CFAP54: variants seen among roughly 807,000 people sequenced by gnomAD.
CFAP54 encodes the protein cilia- and flagella-associated protein 54.
A neutral mutation model predicts 370.4 loss-of-function variants in CFAP54; 290 were observed. That is an observed-to-expected ratio of 0.78 (90% CI 0.71 to 0.86). The LOEUF (loss-of-function observed/expected upper bound fraction) is 0.86. Among genes scored for constraint, CFAP54 ranks in the 40% least tolerant of loss-of-function variants. CFAP54 has a pLI of 0.00. For synonymous variants in CFAP54, 1,206 were observed against 1,236.5 expected, an observed-to-expected ratio of 0.98 and a Z score of 0.52; for missense variants, 3,399 against 3,528.7, an observed-to-expected ratio of 0.96 and a Z score of 0.93.
At chr12:96,688,689 C>T (rs1957354265) in intron 42 of CFAP54, among the ~76,000 whole-genome samples, 1 of 151,964 alleles carries the variant, frequency 6.6e-6, no homozygotes, top group African/African-American at 2.4e-5. Context: ...AGAAAAAGTA[C>T]ATATAAGGAA....
chr12:96,788,296 TG>T (rs1217309653), intron 62 of CFAP54, among the ~76,000 whole-genome samples: 1 of 152,192 alleles, frequency 6.6e-6, no homozygotes, highest in Non-Finnish European at 1.5e-5. Flanking sequence ...GGCAGGAGCA[TG>T]AGCACATTTT....
At chr12:96,604,458 C>A (rs556568911) in intron 26 of CFAP54, among the ~76,000 whole-genome samples, 1 of 152,208 alleles carries the variant, frequency 6.6e-6, no homozygotes, top group East Asian at 1.9e-4. Flanking sequence ...GGAGCTCAAT[C>A]GCCATGCTGG....
chr12:96,686,217 G>C (rs1024444261), intron 42 of CFAP54, among the ~76,000 whole-genome samples: 1 of 152,086 alleles, frequency 6.6e-6, no homozygotes, highest in Non-Finnish European at 1.5e-5. Context: ...TGTCCACAGT[G>C]GTCTTTCCTC....
At chr12:96,548,838 T>C (rs1955666155) in intron 15 of CFAP54, among the ~76,000 whole-genome samples, 1 of 152,024 alleles carries the variant, frequency 6.6e-6, no homozygotes. Flanking sequence ...GTGAGATTCT[T>C]AAAAGTTCCT....
intron 55 of CFAP54, among the ~76,000 whole-genome samples, chr12:96,747,275 A>G (rs1958127178): frequency 6.6e-6 from 1 of 152,196 alleles, no homozygotes; most frequent in African/African-American, 2.4e-5. Flanking sequence ...ATATAACACA[A>G]CATTACAAAA....
chr12:96,679,683 T>C lies in CFAP54; in HGVS notation c.5647T>C (p.Ser1883Pro), dbSNP rs1957249497. 1.9e-6 allele frequency: 3 copies of C among 1,613,778 alleles called. No individual in the cohort carries two copies. Among genetic ancestry groups the C allele is most frequent in the African/African-American group, 2.7e-5 (2 of 74,886 alleles). The part of the protein sequence containing the change: ...LRCFRETLEK[S>P]KYHNRSIRHS... ...GTGTTTTAGAGAGACACTGGAAAAATCCAAATACCATAACAGATCAATCCG... is the reference window on the plus strand; with the variant it reads ...GTGTTTTAGAGAGACACTGGAAAAACCCAAATACCATAACAGATCAATCCG... Residue 1883 changes from serine to proline, a missense_variant, in exon 40 of 68, where the codon TCC (serine) becomes CCC (proline). Ser to Pro is a moderately conservative substitution (Grantham distance 74). Around this residue, in one of 3 missense-constraint regions of CFAP54, gnomAD observed 2,796 missense variants for 2,869.7 expected, o/e 0.97. Coordinates refer to ENST00000524981, the MANE Select transcript of CFAP54 (RefSeq NM_001306084.2).
chr12:96,656,802 GA>G (rs1163059836), intron 36 of CFAP54, among the ~76,000 whole-genome samples: 1 of 152,256 alleles, frequency 6.6e-6, no homozygotes, highest in African/African-American at 2.4e-5. Flanking sequence ...TGTGCTTCTA[GA>G]AGACTTACTG....
chr12:96,704,452 GTATATATATATATATATA>G (rs71068825), intron 46 of CFAP54, among the ~76,000 whole-genome samples: 1,011 of 61,268 alleles, frequency 0.017, 22 homozygotes, highest in African/African-American at 0.049. Flanking sequence ...ATGTATGTGT[GTATATATATATATATATA>G]TATATATATA....
intron 65 of CFAP54, among the ~76,000 whole-genome samples, chr12:96,828,030 A>C (rs1959144410): frequency 7.9e-6 from 1 of 126,444 alleles, no homozygotes; most frequent in South Asian, 2.2e-4. Flanking sequence ...ACGTATTAAT[A>C]TATAATATAT....
intron 67 of CFAP54, among the ~76,000 whole-genome samples, chr12:96,867,859 T>C (rs1210628484): frequency 6.6e-6 from 1 of 152,192 alleles, no homozygotes; most frequent in Non-Finnish European, 1.5e-5. Context: ...GGTAACAATG[T>C]GTTGTACGCT....
Position 96,764,209 on chromosome 12 carries a change from A to G in CFAP54, c.8099A>G (p.Tyr2700Cys). ...ACATCAGCAAATAAATTTGAAATGTACAGTTCATTAGCCTGGATTGCAATA... is the reference window on the plus strand; with the variant it reads ...ACATCAGCAAATAAATTTGAAATGTGCAGTTCATTAGCCTGGATTGCAATA... Reference protein sequence around the residue: ...KETSANKFEMYSSLAWIAIRA... With the variant: ...KETSANKFEMCSSLAWIAIRA... Residue 2700 changes from tyrosine to cysteine, a missense_variant, in exon 59 of 68, where the codon TAC (tyrosine) becomes TGC (cysteine). Around this residue, in one of 3 missense-constraint regions of CFAP54, gnomAD observed 2,796 missense variants for 2,869.7 expected, o/e 0.97. Transcript: ENST00000524981. 6.2e-7 allele frequency: 1 copy of G among 1,613,420 alleles called. No homozygotes were observed. Among genetic ancestry groups the G allele is most frequent in the Non-Finnish European group, 8.5e-7 (1 of 1,179,716 alleles).
chr12:96,626,880 T>G lies in CFAP54; in HGVS notation c.4044T>G (p.Asn1348Lys). The G allele has an allele frequency of 7.0e-7, 1 of 1,432,842 alleles. No individual in the cohort carries two copies. Among genetic ancestry groups the G allele is most frequent in the Non-Finnish European group, 9.2e-7 (1 of 1,085,494 alleles). The allele number at this position is 1,432,842 out of a possible 1,614,324, so 88.8% of individuals were successfully genotyped here. ...FFTQVMLKCM[N>K]EEKFHLMVEV... ...CACAAGTTATGCTAAAATGCATGAA[T>G]GAGGAAAAATTTCATCTTATGGTAG... The change falls in exon 30 of 68, where the codon AAT (asparagine) becomes AAG (lysine). Residue 1348 changes from asparagine to lysine, a missense_variant. This residue lies in a region of CFAP54 where 2,796 missense variants were observed against 2,869.7 expected (regional missense o/e 0.97). Coordinates refer to ENST00000524981, the MANE Select transcript of CFAP54 (RefSeq NM_001306084.2).
In CFAP54 at chr12:96,817,783, C is replaced by G; in HGVS notation, c.8966C>G (p.Ala2989Gly). ...ATATTTGTTATTTTCAGGGTTATTGCAATTCATGAGAAATTATCTAATCTT... is the reference window on the plus strand; with the variant it reads ...ATATTTGTTATTTTCAGGGTTATTGGAATTCATGAGAAATTATCTAATCTT... ...SLWIPLNRVIAIHEKLSNLAQ... is the reference protein window; with the variant it reads ...SLWIPLNRVIGIHEKLSNLAQ... The change falls in exon 65 of 68, where the codon GCA (alanine) becomes GGA (glycine). Residue 2989 changes from alanine to glycine, a missense_variant. Around this residue, in one of 3 missense-constraint regions of CFAP54, gnomAD observed 2,796 missense variants for 2,869.7 expected, o/e 0.97. Coordinates refer to ENST00000524981, the MANE Select transcript of CFAP54 (RefSeq NM_001306084.2). 6.8e-7 allele frequency: 1 copy of G among 1,470,888 alleles called. No individual in the cohort carries two copies. The highest frequency in any genetic ancestry group is 9.0e-7 in the Non-Finnish European group (1 of 1,112,750). The allele number at this position is 1,470,888 out of a possible 1,614,324, so 91.1% of individuals were successfully genotyped here.
intron 42 of CFAP54, among the ~76,000 whole-genome samples, chr12:96,685,558 GTT>G (rs5800263): frequency 2.0e-5 from 3 of 148,440 alleles, no homozygotes; most frequent in Admixed American, 6.7e-5. Context: ...TGTTGTTTGG[GTT>G]TTTTTTTTTG....
intron 14 of CFAP54, among the ~76,000 whole-genome samples, chr12:96,542,828 A>C (rs565436830): frequency 6.6e-6 from 1 of 152,194 alleles, no homozygotes; most frequent in Non-Finnish European, 1.5e-5. Context: ...AACAAGGCCC[A>C]CACATTGTAT....
At chr12:96,751,294 C>T (rs1338985000) in intron 55 of CFAP54, among the ~76,000 whole-genome samples, 1 of 152,026 alleles carries the variant, frequency 6.6e-6, no homozygotes, top group Admixed American at 6.6e-5. Flanking sequence ...GAAGCCAGTC[C>T]TCATCTCTGC....
chr12:96,764,348 T>A, intron 59 of CFAP54, 99 bp downstream of exon 59: 1 of 850,170 alleles, frequency 1.2e-6, no homozygotes, highest in Non-Finnish European at 1.8e-6. Context: ...AGGAGTTGGG[T>A]GTGATACCTC....
At chr12:96,511,063 G>A (rs753155179) in intron 4 of CFAP54, among the ~76,000 whole-genome samples, 1 of 152,048 alleles carries the variant, frequency 6.6e-6, no homozygotes, top group Non-Finnish European at 1.5e-5. Flanking sequence ...TTAGTCGAGT[G>A]GTTTCTTCCC....
At chr12:96,599,350 A>G (rs1453539350) in intron 26 of CFAP54, among the ~76,000 whole-genome samples, 2 of 152,018 alleles carry the variant, frequency 1.3e-5, no homozygotes, top group African/African-American at 4.8e-5. Context: ...ATCCTTTTTT[A>G]TGGCTGCATA....
Sources: allele counts gnomAD v4.1 joint callset (sites outside exome capture counted in the v4.1 genomes callset), GRCh38; gene constraint gnomAD v4.1.1; regional missense constraint gnomAD v4.1.1; transcripts MANE v1.5; gene names NCBI Gene and HGNC (gene_info 2026-07-23, HGNC 2026-07-21).